NPAS2: variants seen among roughly 807,000 people sequenced by gnomAD.
The protein encoded by NPAS2 is neuronal PAS domain-containing protein 2.
Under a neutral mutation model 107.5 loss-of-function variants are expected in NPAS2, and 23 were observed. The ratio of observed to expected loss-of-function variants is 0.21; its 90% CI spans 0.15 to 0.30. NPAS2 has a LOEUF of 0.30. Among genes scored for constraint, NPAS2 ranks in the 10% least tolerant of loss-of-function variants. NPAS2 has a pLI of 1.00. For missense variants in NPAS2, 756 were observed against 1,043.3 expected, an observed-to-expected ratio of 0.72 and a Z score of 3.79; for synonymous variants, 403 against 417.5, an observed-to-expected ratio of 0.97 and a Z score of 0.42.
At chr2:100,940,372 G>A (rs1230020380) in intron 5 of NPAS2, among the ~76,000 whole-genome samples, 1 of 152,216 alleles carries the variant, frequency 6.6e-6, no homozygotes, top group Non-Finnish European at 1.5e-5. Flanking sequence ...TTACTTAGAT[G>A]CATACTTAAC....
At chr2:100,908,530 G>C (rs190751496) in intron 2 of NPAS2, among the ~76,000 whole-genome samples, 1 of 152,054 alleles carries the variant, frequency 6.6e-6, no homozygotes, top group South Asian at 2.1e-4. Context: ...AATGGAAGCC[G>C]CTCCTTTTGA....
Position 100,993,340 on chromosome 2 carries a change from G to C in NPAS2, c.2112-7G>C. ...AGGACCTGTTTTCTCCTTCCCACGTGAAACAGGTACGCCCAGAGCCAGACC... is the reference window on the plus strand; with the variant it reads ...AGGACCTGTTTTCTCCTTCCCACGTCAAACAGGTACGCCCAGAGCCAGACC... On this transcript the variant is annotated splice_polypyrimidine_tract_variant and splice_region_variant and intron_variant, in intron 19 of 20. Transcript: ENST00000335681. 6.4e-7 allele frequency: 1 copy of C among 1,558,680 alleles called. No individual in the cohort carries two copies. The highest frequency in any genetic ancestry group is 8.7e-7 in the Non-Finnish European group (1 of 1,146,940).
chr2:100,988,315 G>A, intron 17 of NPAS2, 39 bp downstream of exon 17: 1 of 1,560,546 alleles, frequency 6.4e-7, no homozygotes, highest in Non-Finnish European at 8.8e-7. Flanking sequence ...CTTGCCTCTA[G>A]AGCAGACACC....
chr2:100,964,249 G>C, intron 8 of NPAS2, 73 bp downstream of exon 8: 1 of 1,008,838 alleles, frequency 9.9e-7, no homozygotes, highest in Non-Finnish European at 1.6e-6. Flanking sequence ...TGTAATTAAT[G>C]GTCTTTTGGG....
intron 16 of NPAS2, chr2:100,985,275 A>G (rs1677716756): frequency 6.6e-6 from 1 of 152,462 alleles, no homozygotes. Context: ...CCATCTGTCC[A>G]TCCTTTCTTC....
intron 1 of NPAS2, chr2:100,821,182 AC>A (rs1365072213): frequency 7.7e-7 from 1 of 1,303,710 alleles, no homozygotes; most frequent in South Asian, 1.2e-5. Flanking sequence ...TCTGCTTGCC[AC>A]TCCTTAATTG....
intron 2 of NPAS2, among the ~76,000 whole-genome samples, chr2:100,912,244 ATTTATTT>A (rs1682599295): frequency 9.1e-6 from 1 of 109,570 alleles, no homozygotes; most frequent in Admixed American, 1.2e-4. Flanking sequence ...TTATTTATTT[ATTTATTT>A]ATTTATTATT....
At chr2:100,984,000 A>C (rs1253895311) in intron 16 of NPAS2, 1 of 152,266 alleles carries the variant, frequency 6.6e-6, no homozygotes, top group Non-Finnish European at 1.5e-5. Flanking sequence ...AATAACAGGC[A>C]GCAAGGTTAT....
chr2:100,844,975 G>A (rs1199535866), intron 1 of NPAS2, among the ~76,000 whole-genome samples: 1 of 152,100 alleles, frequency 6.6e-6, no homozygotes, highest in African/African-American at 2.4e-5. Context: ...TGAGGGTGTC[G>A]GCCACCAGCA....
intron 1 of NPAS2, among the ~76,000 whole-genome samples, chr2:100,861,708 G>T (rs999046758): frequency 6.6e-6 from 1 of 152,182 alleles, no homozygotes. Context: ...GCTGTCCTGG[G>T]TAGAAGAGTG....
chr2:100,821,137 C>G, intron 1 of NPAS2: 3 of 1,304,758 alleles, frequency 2.3e-6, no homozygotes, highest in Non-Finnish European at 3.0e-6. Flanking sequence ...AAGGGACAGG[C>G]ACCACCCGGC....
At chr2:100,949,799 C>T (rs936885866) in intron 7 of NPAS2, among the ~76,000 whole-genome samples, 2 of 152,162 alleles carry the variant, frequency 1.3e-5, no homozygotes, top group African/African-American at 4.8e-5. Context: ...CAGGCTCTGC[C>T]AAACAGGCCT....
At chr2:100,940,954 C>T (rs950950969) in intron 5 of NPAS2, among the ~76,000 whole-genome samples, 4 of 152,158 alleles carry the variant, frequency 2.6e-5, no homozygotes, top group African/African-American at 9.7e-5. Context: ...GGCTGTGGGC[C>T]CCAGCAGCAA....
At chr2:100,990,220 C>A in intron 17 of NPAS2, 36 bp from the exon 18 acceptor site, 2 of 1,603,146 alleles carry the variant, frequency 1.2e-6, no homozygotes, top group South Asian at 1.1e-5. Flanking sequence ...AGGGTTGAGT[C>A]CAAGTCTTAC....
chr2:100,900,140 C>T (rs1681676736), intron 1 of NPAS2, among the ~76,000 whole-genome samples: 1 of 152,050 alleles, frequency 6.6e-6, no homozygotes, highest in Non-Finnish European at 1.5e-5. Flanking sequence ...CAGAAGACAC[C>T]ATCCAAAAAG....
Position 100,988,185 on chromosome 2 carries a change from T to G in NPAS2, c.1736T>G (p.Leu579Arg). The G allele has an allele frequency of 6.2e-7, 1 of 1,614,152 alleles. No individual in the cohort carries two copies. Among genetic ancestry groups the G allele is most frequent in the Non-Finnish European group, 8.5e-7 (1 of 1,180,026 alleles). The change falls in exon 17 of 21, where the codon CTC (leucine) becomes CGC (arginine). Residue 579 changes from leucine (L) to arginine (R), a missense_variant. This residue lies in a region of NPAS2 where 496 missense variants were observed against 594.4 expected (regional missense o/e 0.83). Coordinates refer to ENST00000335681, the MANE Select transcript of NPAS2 (RefSeq NM_002518.4). The part of the protein sequence containing the change: ...QRSAAVTQPQ[L>R]GAGPQLPGQI... ...TCAGCTGCAGTGACTCAGCCCCAGC[T>G]CGGGGCGGGCCCCCAACTTCCAGGG...
chr2:100,904,688 A>G, intron 1 of NPAS2, 45 bp from the exon 2 acceptor site: 1 of 1,307,048 alleles, frequency 7.7e-7, no homozygotes, highest in Non-Finnish European at 1.1e-6. Flanking sequence ...GTAGAAGCAG[A>G]CAGTAATTAT....
intron 1 of NPAS2, among the ~76,000 whole-genome samples, chr2:100,875,791 G>A (rs908834571): frequency 1.3e-5 from 2 of 152,160 alleles, no homozygotes; most frequent in Non-Finnish European, 2.9e-5. Context: ...AATGGCAGAC[G>A]GCATGAAAGC....
At chr2:100,915,034 C>T (rs570626890) in intron 2 of NPAS2, among the ~76,000 whole-genome samples, 3 of 152,332 alleles carry the variant, frequency 2.0e-5, no homozygotes, top group African/African-American at 7.2e-5. Context: ...GCTTAAGGAG[C>T]AGGAACAAGG....
Sources: allele counts gnomAD v4.1 joint callset (sites outside exome capture counted in the v4.1 genomes callset), GRCh38; gene constraint gnomAD v4.1.1; regional missense constraint gnomAD v4.1.1; transcripts MANE v1.5; gene names NCBI Gene and HGNC (gene_info 2026-07-23, HGNC 2026-07-21).